FUT8: variants seen among roughly 807,000 people sequenced by gnomAD.
The protein encoded by FUT8 is alpha-(1,6)-fucosyltransferase.
Under a neutral mutation model 71.3 loss-of-function variants are expected in FUT8, and 29 were observed. That is an observed-to-expected ratio of 0.41 (90% confidence interval 0.30 to 0.55). The LOEUF is 0.55. FUT8 is among the 20% of genes least tolerant of loss of function. The pLI is 0.34. For synonymous variants in FUT8, 254 were observed against 239.3 expected (o/e 1.06, Z -0.57); for missense variants, 544 against 702.1 (o/e 0.77, Z 2.55).
At chr14:65,726,253 C>T (rs190910050) in intron 9 of FUT8, among the ~76,000 whole-genome samples, 19 of 152,350 alleles carry the variant, frequency 1.2e-4, no homozygotes, top group Admixed American at 7.2e-4. Flanking sequence ...GAACGCATCA[C>T]AAGCTTTTTT....
chr14:65,435,922 CTTTTTTT>C (rs374407475), intron 1 of FUT8, among the ~76,000 whole-genome samples: 5 of 121,910 alleles, frequency 4.1e-5, no homozygotes, highest in Non-Finnish European at 8.6e-5. Context: ...GATATCTTCC[CTTTTTTT>C]TTTTTTTTTT....
chr14:65,613,634 G>A (rs1298948829), intron 3 of FUT8, among the ~76,000 whole-genome samples: 1 of 152,112 alleles, frequency 6.6e-6, no homozygotes, highest in African/African-American at 2.4e-5. Context: ...CAATGTTAAT[G>A]CGTACAATTT....
chr14:65,415,519 C>T (rs1478930370), intron 1 of FUT8, among the ~76,000 whole-genome samples: 1 of 152,118 alleles, frequency 6.6e-6, no homozygotes, highest in Admixed American at 6.5e-5. Flanking sequence ...GAATCTAAGG[C>T]ATGTATTCTT....
At chr14:65,712,277 G>A (rs1894843866) in intron 7 of FUT8, among the ~76,000 whole-genome samples, 1 of 152,168 alleles carries the variant, frequency 6.6e-6, no homozygotes, top group African/African-American at 2.4e-5. Context: ...GATTATAAAG[G>A]TGATAGAACA....
At chr14:65,680,693 C>A (rs886245100) in intron 7 of FUT8, among the ~76,000 whole-genome samples, 3 of 152,142 alleles carry the variant, frequency 2.0e-5, no homozygotes, top group Non-Finnish European at 4.4e-5. Flanking sequence ...TATGCCTAAT[C>A]CCTCTATGGA....
chr14:65,406,824 C>T (rs147366060), upstream of FUT8, among the ~76,000 whole-genome samples: 127 of 152,302 alleles, frequency 8.3e-4, no homozygotes, highest in African/African-American at 2.8e-3. Context: ...AGGTGTGAGC[C>T]ACAGCGCCTG....
chr14:65,702,904 G>A (rs557322373), intron 7 of FUT8, among the ~76,000 whole-genome samples: 346 of 152,108 alleles, frequency 2.3e-3, no homozygotes, highest in Non-Finnish European at 2.9e-3. Context: ...ATGCCACCAC[G>A]CCCAGCTAAT....
At chr14:65,706,528 C>G (rs1174028943) in intron 7 of FUT8, among the ~76,000 whole-genome samples, 1 of 152,150 alleles carries the variant, frequency 6.6e-6, no homozygotes, top group East Asian at 1.9e-4. Context: ...TAACAAAATA[C>G]TATAAACTGG....
At chr14:65,681,621 T>C (rs184147463) in intron 7 of FUT8, among the ~76,000 whole-genome samples, 4 of 152,358 alleles carry the variant, frequency 2.6e-5, no homozygotes, top group Admixed American at 2.6e-4. Context: ...GCATTTTCTT[T>C]ATAAAATCTC....
At chr14:65,487,650 C>T (rs1396233914) in intron 2 of FUT8, among the ~76,000 whole-genome samples, 1 of 147,042 alleles carries the variant, frequency 6.8e-6, no homozygotes, top group East Asian at 2.1e-4. Flanking sequence ...TTCTTCTTGT[C>T]TCCCCCAGTT....
intron 10 of FUT8, among the ~76,000 whole-genome samples, chr14:65,736,134 T>A (rs574059911): frequency 6.6e-6 from 1 of 152,246 alleles, no homozygotes; most frequent in South Asian, 2.1e-4. Context: ...ATTTCTTAAC[T>A]GGTTTATTTT....
chr14:65,503,140 G>A (rs1396260214), intron 2 of FUT8, among the ~76,000 whole-genome samples: 1 of 152,194 alleles, frequency 6.6e-6, no homozygotes, highest in East Asian at 1.9e-4. Context: ...AGAAATATAT[G>A]CTTCTGAATA....
the FUT8 span, among the ~76,000 whole-genome samples, chr14:65,378,361 T>C: frequency 6.6e-6 from 1 of 152,166 alleles, no homozygotes; most frequent in East Asian, 1.9e-4. Flanking sequence ...GGATGGAATC[T>C]ACAATAAAGC....
At chr14:65,640,258 GA>G (rs200884502) in intron 6 of FUT8, among the ~76,000 whole-genome samples, 31 of 146,208 alleles carry the variant, frequency 2.1e-4, no homozygotes, top group South Asian at 6.5e-4. Flanking sequence ...AAGAAGAAAA[GA>G]AAAAAAAAAT....
At chr14:65,361,217 G>T in the FUT8 span, among the ~76,000 whole-genome samples, 1 of 151,940 alleles carries the variant, frequency 6.6e-6, no homozygotes, top group East Asian at 1.9e-4. Context: ...TTAGCCGGGC[G>T]TGGTGGTGTG....
At chr14:65,610,249 G>GA (rs1373514344) in intron 3 of FUT8, among the ~76,000 whole-genome samples, 1 of 151,906 alleles carries the variant, frequency 6.6e-6, no homozygotes, top group African/African-American at 2.4e-5. Flanking sequence ...GAAGTGGTGA[G>GA]AGAGGACATC....
intron 6 of FUT8, among the ~76,000 whole-genome samples, chr14:65,636,895 A>T (rs1432118032): frequency 6.6e-6 from 1 of 152,220 alleles, no homozygotes; most frequent in Non-Finnish European, 1.5e-5. Flanking sequence ...GTTTACAAAG[A>T]TTAAACTGAT....
Position 65,558,571 on chromosome 14 carries a change from T to G in FUT8, c.-227-2766T>G, listed in dbSNP as rs937805852. ...GCCAACTAAGTGCCAAATACCGTTC[T>G]GAGTGCCTGGGATACATCAGTGAAC... On this transcript the variant is annotated intron_variant, in intron 2 of 10. Coordinates refer to ENST00000673929, the MANE Select transcript of FUT8 (RefSeq NM_001371533.1). Among the ~76,000 whole-genome samples the G allele has an allele frequency of 2.6e-5, 4 of 152,342 alleles. No individual in the cohort carries two copies. The East Asian group carries it at 7.7e-4, about 29-fold the overall frequency.
chr14:65,669,111 C>G lies in FUT8; in HGVS notation c.598-132C>G, dbSNP rs1258086845. The G allele has an allele frequency of 4.5e-6, 3 of 664,068 alleles. No individual in the cohort carries two copies. Among genetic ancestry groups the G allele is most frequent in the Non-Finnish European group, 7.6e-6 (3 of 393,980 alleles). 41.1% of individuals were successfully genotyped at this position (664,068 alleles called of 1,614,324 possible). Reference sequence around the variant, plus strand: ...GATTACTTGGGGTGTATACCAAACCCCACGACACACAATTTATCTATAGAA... The same window carrying G: ...GATTACTTGGGGTGTATACCAAACCGCACGACACACAATTTATCTATAGAA... On this transcript the variant is annotated intron_variant, in intron 6 of 10. Transcript: ENST00000673929. The surrounding 1 kb of genome is among the most constrained non-coding windows in gnomAD (Gnocchi z 4.5).
Sources: allele counts gnomAD v4.1 joint callset (sites outside exome capture counted in the v4.1 genomes callset), GRCh38; gene constraint gnomAD v4.1.1; non-coding constraint Gnocchi (gnomAD v3.1); transcripts MANE v1.5; gene names NCBI Gene and HGNC (gene_info 2026-07-23, HGNC 2026-07-21).